MRPL22: variants seen among roughly 807,000 people sequenced by gnomAD.
MRPL22 encodes the protein large ribosomal subunit protein uL22m.
A neutral mutation model predicts 32.4 loss-of-function variants in MRPL22; 27 were observed. The ratio of observed to expected loss-of-function variants is 0.83; its 90% CI spans 0.61 to 1.15. MRPL22 has a LOEUF of 1.15. Among genes scored for constraint, MRPL22 ranks in the 50% most tolerant of loss-of-function variants. The pLI is 0.00. For synonymous variants in MRPL22, 86 were observed against 87.3 expected, an observed-to-expected ratio of 0.99 and a Z score of 0.08; for missense variants, 239 against 260.2, an observed-to-expected ratio of 0.92 and a Z score of 0.56.
intron 2 of MRPL22, among the ~76,000 whole-genome samples, chr5:154,950,611 G>A (rs1203537587): frequency 2.6e-5 from 4 of 152,160 alleles, no homozygotes; most frequent in Admixed American, 6.6e-5. Flanking sequence ...ACTTATGTGC[G>A]TTTACTTTCT....
At chr5:154,955,469 T>TG (rs1764618812) in intron 3 of MRPL22, 1 of 152,248 alleles carries the variant, frequency 6.6e-6, no homozygotes, top group Non-Finnish European at 1.5e-5. Context: ...GAGGAACTTT[T>TG]GAAAGTAGAT....
chr5:154,956,507 CT>C (rs1764633115), intron 4 of MRPL22, 71 bp downstream of exon 4: 1 of 974,740 alleles, frequency 1.0e-6, no homozygotes, highest in African/African-American at 1.7e-5. Flanking sequence ...CTCCCCACCC[CT>C]CACCCCAGGA....
At chr5:154,953,486 G>C (rs894213546) in intron 3 of MRPL22, among the ~76,000 whole-genome samples, 18 of 149,962 alleles carry the variant, frequency 1.2e-4, no homozygotes, top group African/African-American at 4.4e-4. Context: ...TTGAAAAAAA[G>C]CTATGTTAAA....
chr5:154,944,369 C>T (rs1028918556), intron 2 of MRPL22, among the ~76,000 whole-genome samples: 1 of 152,214 alleles, frequency 6.6e-6, no homozygotes, highest in African/African-American at 2.4e-5. Context: ...TCTGGGATTA[C>T]AGACGTGAGC....
chr5:154,942,233 A>G (rs1229846349), intron 2 of MRPL22, among the ~76,000 whole-genome samples: 1 of 152,238 alleles, frequency 6.6e-6, no homozygotes, highest in Non-Finnish European at 1.5e-5. Context: ...GGCACATGCC[A>G]TCTATGTAGC....
At chr5:154,950,467 G>T (rs1764545254) in intron 2 of MRPL22, among the ~76,000 whole-genome samples, 1 of 152,122 alleles carries the variant, frequency 6.6e-6, no homozygotes, top group Non-Finnish European at 1.5e-5. Context: ...ACAAAGTTGG[G>T]CAATCTTACA....
intron 3 of MRPL22, 29 bp from the exon 4 acceptor site, chr5:154,956,342 T>C (rs777072017): frequency 1.3e-6 from 2 of 1,506,690 alleles, no homozygotes; most frequent in Admixed American, 3.4e-5. Flanking sequence ...TAACATTTTC[T>C]TTCTGTCCTT....
chr5:154,965,157 C>T lies in MRPL22; in HGVS notation c.410-1529C>T, dbSNP rs957927169. Among the ~76,000 whole-genome samples, 3 of 152,154 alleles carry T rather than the reference C, an allele frequency of 2.0e-5. No homozygotes were observed. The East Asian group carries it at 5.8e-4, about 29-fold the overall frequency. On this transcript the variant is annotated intron_variant, in intron 6 of 6. Transcript: ENST00000523037. ...AAAGCTAGGAAGCTTCTGCTGAAACCCACTTCACTAGAGGATATCGTAGTT... is the reference window on the plus strand; with the variant it reads ...AAAGCTAGGAAGCTTCTGCTGAAACTCACTTCACTAGAGGATATCGTAGTT...
At chr5:154,943,882 T>C (rs551114354) in intron 2 of MRPL22, among the ~76,000 whole-genome samples, 1 of 152,000 alleles carries the variant, frequency 6.6e-6, no homozygotes, top group Non-Finnish European at 1.5e-5. Flanking sequence ...CCGGCTGGTC[T>C]GAAACTCCTG....
In MRPL22 at chr5:154,950,879, GAGA is replaced by G. The variant is rs752580576; in HGVS notation, c.144_146del (p.Lys48del). On this transcript the variant is annotated inframe_deletion, in exon 3 of 7. Transcript: ENST00000523037. ...TTCTCTTGACATTTCTCGAAAATGG[GAGA>G]AGAAGAATAAAATTGTTTATCCTCC... is the stretch of plus-strand genomic sequence containing the variant. The G allele has an allele frequency of 7.4e-6, 12 of 1,613,958 alleles. No individual in the cohort carries two copies. In the East Asian group the frequency reaches 1.3e-4, roughly 18 times the overall value.
intron 6 of MRPL22, among the ~76,000 whole-genome samples, chr5:154,965,314 G>T (rs867811225): frequency 2.7e-4 from 41 of 152,260 alleles, no homozygotes; most frequent in South Asian, 1.5e-3. Context: ...TTTTTAAAAG[G>T]CTTATTAACT....
At chr5:154,949,828 G>A (rs1764535148) in intron 2 of MRPL22, among the ~76,000 whole-genome samples, 1 of 152,130 alleles carries the variant, frequency 6.6e-6, no homozygotes, top group South Asian at 2.1e-4. Context: ...CAGCCTATTA[G>A]TTTAGCATTC....
At chr5:154,943,136 CT>C (rs1268448331) in intron 2 of MRPL22, among the ~76,000 whole-genome samples, 6 of 151,614 alleles carry the variant, frequency 4.0e-5, no homozygotes, top group African/African-American at 1.5e-4. Context: ...TGATGAGAAA[CT>C]TTTTTTTCCT....
chr5:154,958,801 T>C (rs549330998), intron 5 of MRPL22, among the ~76,000 whole-genome samples: 3 of 152,238 alleles, frequency 2.0e-5, no homozygotes, highest in Non-Finnish European at 4.4e-5. Context: ...CACCTCGGCC[T>C]GCCAAAGTGC....
At chr5:154,963,364 T>C (rs949698850) in intron 6 of MRPL22, among the ~76,000 whole-genome samples, 2 of 152,256 alleles carry the variant, frequency 1.3e-5, no homozygotes, top group African/African-American at 2.4e-5. Context: ...TTGAGTACTT[T>C]CTGTGTGCAT....
At chr5:154,943,422 C>T (rs867161302) in intron 2 of MRPL22, among the ~76,000 whole-genome samples, 2 of 151,870 alleles carry the variant, frequency 1.3e-5, no homozygotes, top group African/African-American at 4.8e-5. Context: ...AGGCCCCAGA[C>T]TAGAAATAAA....
intron 2 of MRPL22, among the ~76,000 whole-genome samples, chr5:154,946,950 A>G (rs935916550): frequency 1.7e-4 from 26 of 152,186 alleles, no homozygotes; most frequent in African/African-American, 6.3e-4. Flanking sequence ...GAGCCACCAT[A>G]CTTGGCCAAA....
At chr5:154,959,609 G>A (rs565255966) in intron 5 of MRPL22, among the ~76,000 whole-genome samples, 97 of 152,262 alleles carry the variant, frequency 6.4e-4, no homozygotes, top group South Asian at 3.3e-3. Flanking sequence ...TTGGCCTCCC[G>A]AAGTACTGGG....
chr5:154,958,040 C>G lies in MRPL22; in HGVS notation c.339+828C>G, dbSNP rs1013202288. On this transcript the variant is annotated intron_variant, in intron 5 of 6. Coordinates refer to ENST00000523037, the MANE Select transcript of MRPL22 (RefSeq NM_014180.4). ...CAAGCGATTCTTCTGCCTCAGCCTC[C>G]CGAGTAGCTGGGACTACAGCTGCGC... 2.0e-5 allele frequency among the ~76,000 whole-genome samples: 3 copies of G among 151,498 alleles called. No individual in the cohort carries two copies. The East Asian group carries it at 5.8e-4, about 29-fold the overall frequency.
Sources: gnomAD v4.1 joint callset for allele counts (sites outside exome capture counted in the v4.1 genomes callset) on GRCh38, gnomAD v4.1.1 for gene constraint, MANE v1.5 for transcripts, NCBI Gene and HGNC (gene_info 2026-07-23, HGNC 2026-07-21) for gene names.